ERC1: variants seen among roughly 807,000 people sequenced by gnomAD.
The protein encoded by ERC1 is RAB6 interacting protein 2.
A neutral mutation model predicts 132.0 loss-of-function variants in ERC1; 56 were observed. The observed-to-expected ratio is 0.42, with a 90% CI of 0.34 to 0.53. The LOEUF is 0.53. Among genes scored for constraint, ERC1 ranks in the 20% least tolerant of loss-of-function variants. The pLI is 0.03. For missense variants in ERC1, 1,202 were observed against 1,349.9 expected (o/e 0.89, Z 1.72); for synonymous variants, 478 against 476.1 (o/e 1.00, Z -0.05).
At chr12:1,260,144 T>A (rs962202581) in intron 13 of ERC1, among the ~76,000 whole-genome samples, 3 of 152,158 alleles carry the variant, frequency 2.0e-5, no homozygotes, top group Admixed American at 1.3e-4. Flanking sequence ...AGTGAGATAC[T>A]TTTTTGGGGG....
intron 2 of ERC1, 114 bp downstream of exon 2, chr12:1,028,686 C>G: frequency 2.2e-6 from 2 of 898,648 alleles, no homozygotes; most frequent in Non-Finnish European, 3.3e-6. Context: ...CTTCCTTTTT[C>G]CTATTGATTT....
chr12:1,173,629 C>CT (rs1953333243), intron 8 of ERC1, among the ~76,000 whole-genome samples: 3 of 150,718 alleles, frequency 2.0e-5, no homozygotes, highest in Non-Finnish European at 4.5e-5. Flanking sequence ...AGAATAGACT[C>CT]TCTGCTGAAT....
At chr12:1,064,846 G>A (rs145933973) in intron 2 of ERC1, among the ~76,000 whole-genome samples, 172 of 152,244 alleles carry the variant, frequency 1.1e-3, no homozygotes, top group Admixed American at 2.0e-3. Flanking sequence ...GAAGTTTTCC[G>A]CTATTATTTC....
chr12:1,188,753 A>G (rs776553833), intron 11 of ERC1, among the ~76,000 whole-genome samples: 7 of 152,320 alleles, frequency 4.6e-5, no homozygotes, highest in Non-Finnish European at 1.0e-4. Context: ...ACTTTGCTTC[A>G]GAGCTTTCTG....
intron 2 of ERC1, among the ~76,000 whole-genome samples, chr12:1,069,578 G>T (rs1030193146): frequency 6.6e-6 from 1 of 152,082 alleles, no homozygotes; most frequent in Non-Finnish European, 1.5e-5. Context: ...GATATTATTC[G>T]TATAGTGGAA....
intron 13 of ERC1, 63 bp downstream of exon 13, chr12:1,236,967 G>A (rs1427960351): frequency 3.8e-6 from 6 of 1,575,430 alleles, no homozygotes; most frequent in African/African-American, 1.4e-5. Flanking sequence ...ATCGCATGTT[G>A]TTTTTCTCTT....
In ERC1 at chr12:1,112,208, G is replaced by T. The variant is rs755511392; in HGVS notation, c.1318-7G>T. ...ATAAGTGAAAAAGAATAATAATGTCGTGACAGGTAGAACAACTGAAGGAGG... is the reference window on the plus strand; with the variant it reads ...ATAAGTGAAAAAGAATAATAATGTCTTGACAGGTAGAACAACTGAAGGAGG... On this transcript the variant is annotated splice_polypyrimidine_tract_variant and splice_region_variant and intron_variant, in intron 5 of 18. Coordinates refer to ENST00000360905, the MANE Select transcript of ERC1 (RefSeq NM_178040.4). The T allele has an allele frequency of 1.2e-6, 2 of 1,600,738 alleles. No individual in the cohort carries two copies. The highest frequency in any genetic ancestry group is 1.1e-5 in the South Asian group (1 of 90,780).
intron 16 of ERC1, among the ~76,000 whole-genome samples, chr12:1,400,673 G>A (rs75856753): frequency 0.035 from 5,346 of 151,920 alleles, 119 homozygotes; most frequent in South Asian, 0.087. Flanking sequence ...CCACACCATG[G>A]GATGAAAAGA....
At chr12:1,080,991 A>G (rs1287282352) in intron 2 of ERC1, among the ~76,000 whole-genome samples, 1 of 152,088 alleles carries the variant, frequency 6.6e-6, no homozygotes, top group African/African-American at 2.4e-5. Flanking sequence ...TATTTAAAGT[A>G]TGAGGGATCT....
At chr12:1,373,128 G>A (rs577413550) in intron 16 of ERC1, among the ~76,000 whole-genome samples, 1 of 152,216 alleles carries the variant, frequency 6.6e-6, no homozygotes, top group South Asian at 2.1e-4. Flanking sequence ...TTAGCAAGAA[G>A]AGGACATCAT....
chr12:1,179,711 T>G (rs537773882), intron 8 of ERC1, among the ~76,000 whole-genome samples: 16 of 151,882 alleles, frequency 1.1e-4, no homozygotes, highest in South Asian at 6.2e-4. Context: ...GTTTCACCGT[T>G]TTAGCTGGGA....
chr12:1,475,944 A>G (rs1470217995), intron 18 of ERC1, among the ~76,000 whole-genome samples: 1 of 150,706 alleles, frequency 6.6e-6, no homozygotes, highest in Non-Finnish European at 1.5e-5. Context: ...CAGCCTGGGC[A>G]ACATAGTGAG....
rs529043198 is a variant in ERC1 at position 1,255,874 on chromosome 12, C to T, written c.2488-7160C>T. 6.5e-4 allele frequency among the ~76,000 whole-genome samples: 98 copies of T among 151,724 alleles called. 1 individual carries two copies. Among genetic ancestry groups the T allele is most frequent in the African/African-American group, 2.2e-3 (92 of 41,362 alleles). ...CAGGATGGTCTCAATCTCCTGACCT[C>T]GTGATCCGCCCACCTCAACCTCCCA... On this transcript the variant is annotated intron_variant, in intron 13 of 18. Coordinates refer to ENST00000360905, the MANE Select transcript of ERC1 (RefSeq NM_178040.4).
At chr12:1,310,011 G>A (rs1412645957) in intron 15 of ERC1, among the ~76,000 whole-genome samples, 3 of 151,524 alleles carry the variant, frequency 2.0e-5, no homozygotes, top group African/African-American at 7.3e-5. Context: ...GCAATGGTGC[G>A]ATCTTGGCTC....
chr12:1,047,549 A>G (rs1209784888), intron 2 of ERC1, among the ~76,000 whole-genome samples: 1 of 152,238 alleles, frequency 6.6e-6, no homozygotes, highest in Non-Finnish European at 1.5e-5. Flanking sequence ...TGGTTGAATG[A>G]AAGAATATTG....
At chr12:1,027,266 C>A (rs888875960) in intron 1 of ERC1, among the ~76,000 whole-genome samples, 2 of 152,244 alleles carry the variant, frequency 1.3e-5, no homozygotes, top group African/African-American at 4.8e-5. Flanking sequence ...TTGTTGAGTT[C>A]TGTTATTCTA....
At position 1,028,383 on chromosome 12, in the gene ERC1, A is replaced by C; in HGVS notation, c.480A>C (p.Glu160Asp). ...TIMDLQTQLK[E>D]VLRENDLLRK... The stretch of plus-strand genomic sequence containing the variant: ...TGGATCTGCAGACACAGCTGAAGGA[A>C]GTATTAAGAGAAAATGATCTCTTGC... The change falls in exon 2 of 19, where the codon GAA (glutamate) becomes GAC (aspartate). Residue 160 changes from glutamate to aspartate, a missense_variant. Coordinates refer to ENST00000360905, the MANE Select transcript of ERC1 (RefSeq NM_178040.4). The C allele has an allele frequency of 6.2e-7, 1 of 1,614,200 alleles. No individual in the cohort carries two copies. The highest frequency in any genetic ancestry group is 1.1e-5 in the South Asian group (1 of 91,082).
intron 8 of ERC1, among the ~76,000 whole-genome samples, chr12:1,163,091 C>CT (rs1206138067): frequency 6.6e-6 from 1 of 152,108 alleles, no homozygotes; most frequent in Admixed American, 6.5e-5. Flanking sequence ...CTTCATACAA[C>CT]TTTTTTTCCC....
At chr12:1,010,587 T>G (rs1013605505) in intron 1 of ERC1, among the ~76,000 whole-genome samples, 5 of 150,298 alleles carry the variant, frequency 3.3e-5, no homozygotes, top group African/African-American at 9.8e-5. Flanking sequence ...CTCATCTCAC[T>G]GCAACCTCCA....
Sources: allele counts gnomAD v4.1 joint callset (sites outside exome capture counted in the v4.1 genomes callset), GRCh38; gene constraint gnomAD v4.1.1; transcripts MANE v1.5; gene names NCBI Gene and HGNC (gene_info 2026-07-23, HGNC 2026-07-21).